ADARB2: variants seen among roughly 807,000 people sequenced by gnomAD.
The protein encoded by ADARB2 is adenosine deaminase RNA specific B2 (inactive).
Under a neutral mutation model 62.2 loss-of-function variants are expected in ADARB2, and 25 were observed. The observed-to-expected ratio is 0.40, with a 90% confidence interval of 0.29 to 0.56. The LOEUF (loss-of-function observed/expected upper bound fraction) is 0.56. Among genes scored for constraint, ADARB2 ranks in the 20% least tolerant of loss-of-function variants. The pLI is 0.43. For synonymous variants in ADARB2, 572 were observed against 500.8 expected (o/e 1.14, Z -1.90); for missense variants, 1,071 against 1,077.4 (o/e 0.99, Z 0.08).
chr10:1,573,854 GCTC>G (rs1230177603), intron 1 of ADARB2, among the ~76,000 whole-genome samples: 1 of 152,198 alleles, frequency 6.6e-6, no homozygotes, highest in Non-Finnish European at 1.5e-5. Context: ...GCTGCAGCCA[GCTC>G]CTCAACTGGC....
intron 4 of ADARB2, among the ~76,000 whole-genome samples, chr10:1,258,152 CTT>C (rs1335627582): frequency 6.6e-6 from 1 of 152,094 alleles, no homozygotes; most frequent in Non-Finnish European, 1.5e-5. Flanking sequence ...CTCCCTAACT[CTT>C]TTTCTTTCTT....
intron 1 of ADARB2, among the ~76,000 whole-genome samples, chr10:1,439,549 A>G (rs1337007063): frequency 5.4e-5 from 5 of 92,188 alleles, no homozygotes; most frequent in East Asian, 3.5e-4. Context: ...TCTCCTCAGC[A>G]GATGGAGGCA....
At chr10:1,585,981 C>T (rs1054035665) in intron 1 of ADARB2, among the ~76,000 whole-genome samples, 2 of 152,084 alleles carry the variant, frequency 1.3e-5, no homozygotes, top group Non-Finnish European at 2.9e-5. Flanking sequence ...TTGCAGTGAG[C>T]CAAGATAGCG....
At chr10:1,402,379 G>C (rs1172522664) in intron 1 of ADARB2, among the ~76,000 whole-genome samples, 1 of 152,288 alleles carries the variant, frequency 6.6e-6, no homozygotes, top group African/African-American at 2.4e-5. Context: ...ACTCTGCTTT[G>C]CCTGGTGGGG....
At chr10:1,726,755 G>A (rs1835170568) in intron 1 of ADARB2, among the ~76,000 whole-genome samples, 1 of 152,214 alleles carries the variant, frequency 6.6e-6, no homozygotes, top group Admixed American at 6.5e-5. Context: ...CTGGGGACCT[G>A]CTTGCAGGTG....
At chr10:1,425,051 G>A (rs758135352) in intron 1 of ADARB2, among the ~76,000 whole-genome samples, 3 of 152,210 alleles carry the variant, frequency 2.0e-5, no homozygotes, top group Non-Finnish European at 4.4e-5. Context: ...CCTGGGGTGC[G>A]TGCGTGGAAG....
intron 3 of ADARB2, among the ~76,000 whole-genome samples, chr10:1,281,995 TTC>T (rs1361524140): frequency 1.3e-5 from 2 of 152,230 alleles, no homozygotes; most frequent in African/African-American, 4.8e-5. Flanking sequence ...TGGTTAAATT[TTC>T]TCTCTTTGAT....
intron 4 of ADARB2, among the ~76,000 whole-genome samples, chr10:1,256,884 A>G (rs113042478): frequency 1.9e-4 from 29 of 152,330 alleles, no homozygotes; most frequent in African/African-American, 6.7e-4. Context: ...AACACCTGGT[A>G]TGATCGATGA....
chr10:1,723,160 T>C (rs1835117741), intron 1 of ADARB2, among the ~76,000 whole-genome samples: 1 of 152,250 alleles, frequency 6.6e-6, no homozygotes, highest in Non-Finnish European at 1.5e-5. Context: ...TCCTATGATG[T>C]AGCTTTTACG....
intron 7 of ADARB2, among the ~76,000 whole-genome samples, chr10:1,206,343 T>C (rs866386912): frequency 6.6e-6 from 1 of 152,090 alleles, no homozygotes; most frequent in Non-Finnish European, 1.5e-5. Context: ...CGTCTCCTCC[T>C]TGTGCCTGTG....
At chr10:1,448,205 A>G (rs1259195789) in intron 1 of ADARB2, among the ~76,000 whole-genome samples, 1 of 152,236 alleles carries the variant, frequency 6.6e-6, no homozygotes, top group South Asian at 2.1e-4. Context: ...TGGAAAACAT[A>G]TAAGACAGTA....
At chr10:1,578,209 A>G (rs7905915) in intron 1 of ADARB2, among the ~76,000 whole-genome samples, 4,681 of 152,288 alleles carry the variant, frequency 0.031, 229 homozygotes, top group African/African-American at 0.11. Flanking sequence ...GCAGCGGAAC[A>G]GATGGCACGT....
At chr10:1,218,582 C>T (rs1018966673) in intron 6 of ADARB2, among the ~76,000 whole-genome samples, 1 of 152,158 alleles carries the variant, frequency 6.6e-6, no homozygotes. Flanking sequence ...GGCTGGGATC[C>T]GTGTCCCCAC....
Position 1,391,766 on chromosome 10 carries a change from A to ATTTTTTT in ADARB2, c.101-12613_101-12607dup, listed in dbSNP as rs60956446. On this transcript the variant is annotated intron_variant, in intron 1 of 9. Coordinates refer to ENST00000381312, the MANE Select transcript of ADARB2 (RefSeq NM_018702.4). ...AACTGCCAGGATGTCTAAGAATTGG[A>ATTTTTTT]TTTTTTTTTTTTTTTTTTTTTTTTG... 1.7e-3 allele frequency among the ~76,000 whole-genome samples: 158 copies of ATTTTTTT among 91,644 alleles called. 2 individuals carry two copies. Among genetic ancestry groups the ATTTTTTT allele is most frequent in the African/African-American group, 4.3e-3 (98 of 22,890 alleles). 60.1% of individuals were successfully genotyped at this position (91,644 alleles called of 152,430 possible). A position where few individuals can be genotyped will look rare whatever the true frequency, so the allele number is the denominator to read the frequency against.
chr10:1,332,476 G>GTTTT (rs759566790), intron 3 of ADARB2, among the ~76,000 whole-genome samples: 21,062 of 128,640 alleles, frequency 0.16, 2,178 homozygotes, highest in Non-Finnish European at 0.23. Context: ...ACTAGCATCA[G>GTTTT]TTTTGTTTTT....
chr10:1,496,097 A>T (rs1034525511), intron 1 of ADARB2, among the ~76,000 whole-genome samples: 1 of 151,734 alleles, frequency 6.6e-6, no homozygotes. Flanking sequence ...CACCATCATC[A>T]TCGTCATCAC....
rs143613253 is a variant in ADARB2, at chr10:1,445,054, T to C, written c.101-65894A>G. Among the ~76,000 whole-genome samples the C allele has an allele frequency of 2.7e-3, 381 of 141,656 alleles. 1 individual carries two copies. Among genetic ancestry groups the C allele is most frequent in the African/African-American group, 9.1e-3 (343 of 37,522 alleles). 92.9% of individuals were successfully genotyped at this position (141,656 alleles called of 152,430 possible). A position where few individuals can be genotyped will look rare whatever the true frequency, so the allele number is the denominator to read the frequency against. On this transcript the variant is annotated intron_variant, in intron 1 of 9. Coordinates refer to ENST00000381312, the MANE Select transcript of ADARB2 (RefSeq NM_018702.4). ...CATTCACTCATTCACCATCCATCCA[T>C]CTACATTAATCCTTCCCTCCATTCA... is the stretch of plus-strand genomic sequence containing the variant.
chr10:1,686,284 C>T (rs564013093), intron 1 of ADARB2, among the ~76,000 whole-genome samples: 3 of 152,164 alleles, frequency 2.0e-5, no homozygotes, highest in South Asian at 2.1e-4. Context: ...CTTGGGCCGG[C>T]GGTTAAATGA....
intron 1 of ADARB2, among the ~76,000 whole-genome samples, chr10:1,410,938 T>C (rs543766123): frequency 1.3e-5 from 2 of 152,330 alleles, no homozygotes; most frequent in South Asian, 4.1e-4. Flanking sequence ...AGCTGCGCCC[T>C]GTCCTCCTGG....
Sources: allele counts gnomAD v4.1 joint callset (sites outside exome capture counted in the v4.1 genomes callset), GRCh38; gene constraint gnomAD v4.1.1; transcripts MANE v1.5; gene names NCBI Gene and HGNC (gene_info 2026-07-23, HGNC 2026-07-21).